Variants in PCDHA1 observed in about 807,000 individuals in gnomAD.
PCDHA1 encodes the protein protocadherin alpha-1.
Under a neutral mutation model 61.3 loss-of-function variants are expected in PCDHA1, and 42 were observed. The observed-to-expected ratio is 0.69, with a 90% CI of 0.54 to 0.89. PCDHA1 has a LOEUF of 0.89. Ranked by LOEUF, PCDHA1 falls within the 40% of genes least tolerant of loss-of-function variation. The pLI, the probability that PCDHA1 is intolerant of heterozygous loss-of-function variation, is 0.00. For missense variants in PCDHA1, 1,256 were observed against 1,235.3 expected (o/e 1.02, Z -0.25); for synonymous variants, 610 against 553.8 (o/e 1.10, Z -1.43).
chr5:140,889,120 T>G (rs1335268200), intron 1 of PCDHA1, among the ~76,000 whole-genome samples: 1 of 151,966 alleles, frequency 6.6e-6, no homozygotes, highest in Non-Finnish European at 1.5e-5. Context: ...CAGGTGATAC[T>G]GATATGTCCT....
At chr5:140,928,495 A>G in intron 1 of PCDHA1, 2 of 1,614,206 alleles carry the variant, frequency 1.2e-6, no homozygotes, top group South Asian at 1.1e-5. Flanking sequence ...CATTCCTCCC[A>G]GAAGTGCAAC....
Position 140,786,241 on chromosome 5 carries a change from C to T in PCDHA1, c.-50C>T, listed in dbSNP as rs374218448. ...TGATTGGAAATATTAGATAAAATGG[C>T]ATGATTTTGAAGTAAGAGGAGAGCA... On this transcript the variant is annotated 5_prime_UTR_variant, in exon 1 of 4. Coordinates refer to ENST00000504120, the MANE Select transcript of PCDHA1 (RefSeq NM_018900.4). 341 of 1,518,572 alleles carry T rather than the reference C, an allele frequency of 2.2e-4. No individual in the cohort carries two copies. The African/African-American group carries it at 4.1e-3, about 18-fold the overall frequency. 94.1% of individuals were successfully genotyped at this position (1,518,572 alleles called of 1,614,324 possible). A position where few individuals can be genotyped will look rare whatever the true frequency, so the allele number is the denominator to read the frequency against.
intron 1 of PCDHA1, among the ~76,000 whole-genome samples, chr5:140,879,880 C>T (rs1162426271): frequency 6.6e-6 from 1 of 152,172 alleles, no homozygotes; most frequent in Admixed American, 6.5e-5. Flanking sequence ...GGTCACATTG[C>T]CTCCTCCTCT....
chr5:140,822,567 C>A (rs2150117321), intron 1 of PCDHA1: 19 of 1,612,660 alleles, frequency 1.2e-5, no homozygotes, highest in East Asian at 2.2e-5. Flanking sequence ...TTAAACTGAA[C>A]GCCTCAGATG....
Position 141,009,957 on chromosome 5 carries a change from G to T in PCDHA1, c.*20G>T. ...CAGTGAGGTCCTCAAATGGAAACAA[G>T]CCACTTAGCCAGTTTTTGTAATAAT... On this transcript the variant is annotated 3_prime_UTR_variant, in exon 4 of 4. Coordinates refer to ENST00000504120, the MANE Select transcript of PCDHA1 (RefSeq NM_018900.4). 1 of 1,589,160 alleles carries T rather than the reference G, an allele frequency of 6.3e-7. No homozygotes were observed. Among genetic ancestry groups the T allele is most frequent in the Non-Finnish European group, 8.5e-7 (1 of 1,171,102 alleles).
intron 1 of PCDHA1, chr5:140,841,104 A>C (rs1554138000): frequency 1.7e-6 from 1 of 585,830 alleles, no homozygotes; most frequent in African/African-American, 1.9e-5. Flanking sequence ...GATATTGCGG[A>C]AGTAATTCAT....
chr5:140,907,697 C>T (rs1425951971), intron 1 of PCDHA1, among the ~76,000 whole-genome samples: 2 of 152,202 alleles, frequency 1.3e-5, no homozygotes, highest in African/African-American at 2.4e-5. Context: ...GTGGAAGTCC[C>T]TGTTGCTGAG....
intron 1 of PCDHA1, chr5:140,882,138 T>C: frequency 6.7e-7 from 1 of 1,489,248 alleles, no homozygotes; most frequent in South Asian, 1.4e-5. Context: ...CTGCAGAAAA[T>C]ATAGCAGAAA....
At chr5:140,802,739 C>A in intron 1 of PCDHA1, 2 of 1,612,492 alleles carry the variant, frequency 1.2e-6, no homozygotes, top group Middle Eastern at 2.0e-4. Flanking sequence ...ACGCGGAGAG[C>A]GGCAAGGTGT....
chr5:140,877,982 T>A, intron 1 of PCDHA1: 1 of 1,221,278 alleles, frequency 8.2e-7, no homozygotes, highest in Non-Finnish European at 1.1e-6. Flanking sequence ...CTTACTCATT[T>A]TGAACTTTTA....
chr5:140,859,869 C>T (rs2046062813), intron 1 of PCDHA1: 1 of 151,680 alleles, frequency 6.6e-6, no homozygotes, highest in South Asian at 2.1e-4. Flanking sequence ...TATATACTTC[C>T]CCCTCTGATA....
chr5:140,836,613 G>T (rs2150265622), intron 1 of PCDHA1: 1 of 1,613,634 alleles, frequency 6.2e-7, no homozygotes, highest in Non-Finnish European at 8.5e-7. Flanking sequence ...GTGCTCCAGC[G>T]CGGTGGGGAG....
chr5:140,830,355 G>A (rs373021109), intron 1 of PCDHA1: 2 of 1,614,120 alleles, frequency 1.2e-6, no homozygotes, highest in Admixed American at 1.7e-5. Flanking sequence ...CAGCAGAGGC[G>A]GCAGAGGGTG....
At chr5:140,882,717 C>T (rs1311295002) in intron 1 of PCDHA1, 1 of 1,614,102 alleles carries the variant, frequency 6.2e-7, no homozygotes, top group Non-Finnish European at 8.5e-7. Context: ...CCTCCGGAAA[C>T]TCGATTTCCA....
chr5:140,823,842 G>A, intron 1 of PCDHA1: 2 of 1,613,848 alleles, frequency 1.2e-6, no homozygotes. Flanking sequence ...TGGGTCCCGA[G>A]GCTGCCCTGG....
chr5:140,920,908 T>G (rs1333150217), intron 1 of PCDHA1, among the ~76,000 whole-genome samples: 1 of 151,136 alleles, frequency 6.6e-6, no homozygotes, highest in Non-Finnish European at 1.5e-5. Context: ...GGTTCTCAAA[T>G]CAGTTCCAAG....
intron 1 of PCDHA1, among the ~76,000 whole-genome samples, chr5:140,944,665 A>G (rs782357699): frequency 1.1e-4 from 17 of 152,138 alleles, no homozygotes; most frequent in Non-Finnish European, 2.5e-4. Flanking sequence ...CCCCTTATTT[A>G]TCTATTCTGT....
At chr5:140,883,759 G>C (rs1554179777) in intron 1 of PCDHA1, 1 of 1,612,822 alleles carries the variant, frequency 6.2e-7, no homozygotes, top group Non-Finnish European at 8.5e-7. Context: ...TGGTGGAGCG[G>C]CGGGTGGGCG....
intron 1 of PCDHA1, chr5:140,929,006 C>G: frequency 6.2e-7 from 1 of 1,614,050 alleles, no homozygotes; most frequent in Non-Finnish European, 8.5e-7. Context: ...TTCGTGTGTA[C>G]CAAGTTGCAC....
Sources: gnomAD v4.1 joint callset for allele counts (sites outside exome capture counted in the v4.1 genomes callset) on GRCh38, gnomAD v4.1.1 for gene constraint, MANE v1.5 for transcripts, NCBI Gene and HGNC (gene_info 2026-07-23, HGNC 2026-07-21) for gene names.